Variants in INSL6 observed in about 807,000 individuals in gnomAD.
The protein encoded by INSL6 is insulin-like peptide INSL6.
INSL6 carries 16 observed loss-of-function variants against 9.4 expected under a neutral mutation model. The observed-to-expected ratio is 1.70, with a 90% CI of 1.15 to 2.59. The LOEUF (loss-of-function observed/expected upper bound fraction) is 2.59. Among genes scored for constraint, INSL6 ranks in the 30% most tolerant of loss-of-function variants. The probability of loss-of-function intolerance (pLI) is 0.00; values close to 1 mark genes in which losing one functional copy is unlikely to be tolerated. For synonymous variants in INSL6, 154 were observed against 96.9 expected, an observed-to-expected ratio of 1.59 and a Z score of -3.46; for missense variants, 391 against 257.3, an observed-to-expected ratio of 1.52 and a Z score of -3.56.
chr9:5,028,580 T>C, the INSL6 span, among the ~76,000 whole-genome samples: 1 of 152,250 alleles, frequency 6.6e-6, no homozygotes, highest in Non-Finnish European at 1.5e-5. Flanking sequence ...AAACTACTCC[T>C]AGATGGTATC....
downstream of INSL6, chr9:5,122,988 A>T (rs918865187): frequency 1.3e-6 from 2 of 1,499,618 alleles, no homozygotes; most frequent in Non-Finnish European, 1.8e-6. Flanking sequence ...TTTAAATGTT[A>T]TTCATATATT....
downstream of INSL6, among the ~76,000 whole-genome samples, chr9:5,120,982 T>C (rs1823575194): frequency 6.6e-6 from 1 of 152,128 alleles, no homozygotes; most frequent in Non-Finnish European, 1.5e-5. Context: ...GTCAAAGATA[T>C]GGTTATAAAT....
At chr9:5,104,195 G>T in the INSL6 span, among the ~76,000 whole-genome samples, 1 of 151,536 alleles carries the variant, frequency 6.6e-6, no homozygotes, top group Non-Finnish European at 1.5e-5. Context: ...AAAGAGAGAA[G>T]AATCAAATAG....
At chr9:5,081,619 T>C in the INSL6 span, 1 of 705,336 alleles carries the variant, frequency 1.4e-6, no homozygotes, top group Admixed American at 2.6e-5. Context: ...CTGTATCATT[T>C]AGTATTTTTA....
chr9:5,145,000 T>C (rs1476164962), intron 2 of INSL6, among the ~76,000 whole-genome samples: 2 of 152,350 alleles, frequency 1.3e-5, no homozygotes, highest in East Asian at 3.9e-4. Context: ...TTTGATCCTG[T>C]CATTATAATG....
chr9:5,090,852 C>T, the INSL6 span: 1 of 1,613,150 alleles, frequency 6.2e-7, no homozygotes, highest in Non-Finnish European at 8.5e-7. Flanking sequence ...TAACCAAAGT[C>T]TTGCCACAAG....
the INSL6 span, among the ~76,000 whole-genome samples, chr9:5,068,158 CAAA>C: frequency 1.3e-5 from 1 of 77,570 alleles, no homozygotes; most frequent in African/African-American, 5.4e-5. Flanking sequence ...GACACGGTCT[CAAA>C]AAAAAACAAC....
intron 2 of INSL6, among the ~76,000 whole-genome samples, chr9:5,135,440 T>A (rs1824372342): frequency 6.6e-6 from 1 of 152,042 alleles, no homozygotes; most frequent in South Asian, 2.1e-4. Flanking sequence ...CAGAGTGCAA[T>A]CAAATTAGAA....
At chr9:5,066,883 G>C in the INSL6 span, 1 of 490,904 alleles carries the variant, frequency 2.0e-6, no homozygotes, top group Non-Finnish European at 3.4e-6. Flanking sequence ...TTAATACTGA[G>C]AATTATAGCT....
rs201847389 is a variant in INSL6, at chr9:5,185,374, G to C, written c.229C>G (p.Pro77Ala). ...QASEKVEAYS[P>A]YQFESPQTAS... ...GTTTGCGGGCTTTCGAACTGGTATG[G>C]GCTGTAGGCTTCGACCTTCTCCGAG... The change falls in exon 1 of 2, where the codon CCA (proline) becomes GCA (alanine). Residue 77 changes from proline (P) to alanine (A), a missense_variant. Coordinates refer to ENST00000381641, the MANE Select transcript of INSL6 (RefSeq NM_007179.3). 9.9e-6 allele frequency: 16 copies of C among 1,614,138 alleles called. No homozygotes were observed. In the East Asian group the frequency reaches 2.9e-4, roughly 29 times the overall value.
chr9:5,089,249 T>C, the INSL6 span, among the ~76,000 whole-genome samples: 3 of 152,128 alleles, frequency 2.0e-5, no homozygotes, highest in Non-Finnish European at 4.4e-5. Flanking sequence ...AGCTTAAAGA[T>C]AGTCTGCTGC....
chr9:5,002,925 A>G, the INSL6 span, among the ~76,000 whole-genome samples: 2 of 151,992 alleles, frequency 1.3e-5, no homozygotes, highest in African/African-American at 4.8e-5. Context: ...TGAAGTAGAT[A>G]GAAGTTAAGG....
downstream of INSL6, among the ~76,000 whole-genome samples, chr9:5,159,053 G>C (rs985610449): frequency 2.6e-5 from 4 of 152,044 alleles, no homozygotes; most frequent in Admixed American, 2.6e-4. Context: ...TTATGCATCA[G>C]TATTACATTG....
chr9:5,001,443 A>G, the INSL6 span, among the ~76,000 whole-genome samples: 1 of 152,124 alleles, frequency 6.6e-6, no homozygotes. Context: ...AATTGGGACG[A>G]TCTTATGGTT....
At chr9:5,180,288 G>A (rs1014141024) in intron 1 of INSL6, among the ~76,000 whole-genome samples, 4 of 152,106 alleles carry the variant, frequency 2.6e-5, no homozygotes, top group Admixed American at 1.3e-4. Context: ...ATTGTAAAAC[G>A]TGTGTTTGAA....
the INSL6 span, among the ~76,000 whole-genome samples, chr9:5,042,124 CTTTTTT>C: frequency 0.19 from 19,899 of 107,124 alleles, 1,227 homozygotes; most frequent in South Asian, 0.29. Context: ...GCCAAAATTT[CTTTTTT>C]TTTTTTTTTT....
At chr9:5,086,593 TAAA>T in the INSL6 span, among the ~76,000 whole-genome samples, 10 of 150,534 alleles carry the variant, frequency 6.6e-5, no homozygotes, top group Non-Finnish European at 8.9e-5. Flanking sequence ...TTCCAATACT[TAAA>T]AAAAAAATTC....
chr9:5,031,395 G>A, the INSL6 span, among the ~76,000 whole-genome samples: 1 of 152,166 alleles, frequency 6.6e-6, no homozygotes, highest in East Asian at 1.9e-4. Context: ...GATGGGGCCA[G>A]TATATCTTGA....
chr9:5,147,859 A>C (rs1231087478), intron 2 of INSL6, among the ~76,000 whole-genome samples: 1 of 152,146 alleles, frequency 6.6e-6, no homozygotes, highest in African/African-American at 2.4e-5. Context: ...TTGTATTATG[A>C]AATTCCTGTA....
Sources: allele counts gnomAD v4.1 joint callset (sites outside exome capture counted in the v4.1 genomes callset), GRCh38; gene constraint gnomAD v4.1.1; transcripts MANE v1.5; gene names NCBI Gene and HGNC (gene_info 2026-07-23, HGNC 2026-07-21).